The following ORC5 variants were observed in gnomAD, a reference collection of about 807,000 sequenced individuals.
ORC5 encodes origin recognition complex subunit 5.
A neutral mutation model predicts 58.8 loss-of-function variants in ORC5; 39 were observed. The ratio of observed to expected loss-of-function variants is 0.66; its 90% confidence interval spans 0.51 to 0.87. The LOEUF (loss-of-function observed/expected upper bound fraction) is 0.87. ORC5 is among the 40% of genes least tolerant of loss of function. The pLI is 0.00. For missense variants in ORC5, 493 were observed against 506.3 expected, an observed-to-expected ratio of 0.97 and a Z score of 0.25; for synonymous variants, 218 against 177.6, an observed-to-expected ratio of 1.23 and a Z score of -1.81.
At chr7:104,128,619 A>C in intron 13 of ORC5, among the ~76,000 whole-genome samples, 1 of 150,554 alleles carries the variant, frequency 6.6e-6, no homozygotes, top group Non-Finnish European at 1.5e-5. Flanking sequence ...GGTGTGCTGC[A>C]CCCATTAACT....
At chr7:104,200,715 G>T in intron 3 of ORC5, 43 bp downstream of exon 3, 2 of 1,202,904 alleles carry the variant, frequency 1.7e-6, no homozygotes, top group Non-Finnish European at 2.4e-6. Context: ...TAAATTATCA[G>T]TTTTCAAGAT....
intron 12 of ORC5, among the ~76,000 whole-genome samples, chr7:104,148,324 A>G (rs1013782969): frequency 1.3e-5 from 2 of 152,226 alleles, no homozygotes; most frequent in African/African-American, 4.8e-5. Context: ...TATAGAATAC[A>G]AAGAGATAAT....
chr7:104,166,730 G>T, intron 10 of ORC5, 42 bp downstream of exon 10: 1 of 1,078,080 alleles, frequency 9.3e-7, no homozygotes, highest in South Asian at 1.4e-5. Flanking sequence ...AATATTCCTG[G>T]GATCTTAAAA....
At chr7:104,151,112 T>C (rs923984314) in intron 12 of ORC5, among the ~76,000 whole-genome samples, 4 of 152,114 alleles carry the variant, frequency 2.6e-5, no homozygotes, top group Non-Finnish European at 5.9e-5. Flanking sequence ...ATATGGTGAA[T>C]GAAGGAAGTG....
intron 12 of ORC5, among the ~76,000 whole-genome samples, chr7:104,145,200 C>T (rs1798736400): frequency 6.6e-6 from 1 of 152,100 alleles, no homozygotes; most frequent in Non-Finnish European, 1.5e-5. Context: ...GGAAGATACA[C>T]AGAAAAGAGT....
chr7:104,195,077 A>T, intron 5 of ORC5, 66 bp downstream of exon 5: 1 of 777,656 alleles, frequency 1.3e-6, no homozygotes, highest in Non-Finnish European at 2.1e-6. Context: ...ATGCTAGTTT[A>T]ATCTTTCAAA....
chr7:104,207,983 G>A lies in ORC5; in HGVS notation c.-79C>T, dbSNP rs1487192508. 2.2e-5 allele frequency: 30 copies of A among 1,370,930 alleles called. 1 individual carries two copies. The highest frequency in any genetic ancestry group is 2.8e-5 in the Non-Finnish European group (27 of 968,824). The allele number at this position is 1,370,930 out of a possible 1,614,324, so 84.9% of individuals were successfully genotyped here. On this transcript the variant is annotated 5_prime_UTR_variant, in exon 1 of 14. Coordinates refer to ENST00000297431, the MANE Select transcript of ORC5 (RefSeq NM_002553.4). ...CAAGACGGAGCCTCTCCCGAGTCTGGCGGCCCACGCTCCCGCCGGAAACCG... is the reference window on the plus strand; with the variant it reads ...CAAGACGGAGCCTCTCCCGAGTCTGACGGCCCACGCTCCCGCCGGAAACCG...
At chr7:104,188,008 A>C (rs927191281) in intron 6 of ORC5, 4 of 1,095,676 alleles carry the variant, frequency 3.7e-6, no homozygotes, top group Non-Finnish European at 4.5e-6. Flanking sequence ...AGAAGATCTG[A>C]GAATGACATT....
intron 8 of ORC5, among the ~76,000 whole-genome samples, chr7:104,170,663 T>C (rs539577789): frequency 4.6e-5 from 7 of 152,366 alleles, no homozygotes; most frequent in African/African-American, 1.4e-4. Flanking sequence ...ACTAAATTTC[T>C]GATAATTTGT....
At chr7:104,177,768 C>T (rs766968144) in intron 8 of ORC5, among the ~76,000 whole-genome samples, 2 of 152,184 alleles carry the variant, frequency 1.3e-5, no homozygotes, top group East Asian at 3.9e-4. Flanking sequence ...TGTTCCCCTC[C>T]GTGTCCATGT....
chr7:104,168,359 A>G (rs770471509), intron 9 of ORC5, 114 bp downstream of exon 9: 1 of 1,456,406 alleles, frequency 6.9e-7, no homozygotes, highest in Admixed American at 2.4e-5. Flanking sequence ...TGAAAAGTAA[A>G]TTCTCTTTTA....
intron 8 of ORC5, among the ~76,000 whole-genome samples, chr7:104,178,040 T>G (rs1380459995): frequency 6.6e-6 from 1 of 152,190 alleles, no homozygotes; most frequent in East Asian, 1.9e-4. Context: ...TAGGTGTGCA[T>G]TTGTCTTTAT....
At chr7:104,171,566 T>C (rs533541764) in intron 8 of ORC5, among the ~76,000 whole-genome samples, 90 of 152,312 alleles carry the variant, frequency 5.9e-4, no homozygotes, top group African/African-American at 2.1e-3. Context: ...CTTTCCATTC[T>C]TTTCCTTCAT....
chr7:104,149,759 A>G (rs1477189905), intron 12 of ORC5, among the ~76,000 whole-genome samples: 1 of 152,184 alleles, frequency 6.6e-6, no homozygotes, highest in Non-Finnish European at 1.5e-5. Context: ...ACTGCTTAAC[A>G]TATTTTATTT....
chr7:104,169,459 G>A (rs1799170846), intron 8 of ORC5, among the ~76,000 whole-genome samples: 1 of 152,066 alleles, frequency 6.6e-6, no homozygotes, highest in African/African-American at 2.4e-5. Context: ...AATGAGTAAA[G>A]AATGCCCTAC....
At chr7:104,167,509 T>C (rs902821255) in intron 9 of ORC5, among the ~76,000 whole-genome samples, 1 of 152,168 alleles carries the variant, frequency 6.6e-6, no homozygotes, top group African/African-American at 2.4e-5. Flanking sequence ...AACAATACTA[T>C]TTGTTGAAGG....
chr7:104,181,675 C>T (rs945596118), intron 8 of ORC5, among the ~76,000 whole-genome samples: 3 of 151,742 alleles, frequency 2.0e-5, no homozygotes, highest in African/African-American at 7.3e-5. Flanking sequence ...ACCTGTAGTC[C>T]TAGCTACTCG....
At chr7:104,128,610 G>C (rs1410788769) in intron 13 of ORC5, among the ~76,000 whole-genome samples, 1 of 150,796 alleles carries the variant, frequency 6.6e-6, no homozygotes, top group Non-Finnish European at 1.5e-5. Context: ...TGCCATGCTG[G>C]TGTGCTGCAC....
Position 104,184,199 on chromosome 7 carries a change from A to G in ORC5, c.685-28T>C, listed in dbSNP as rs1799494606. Reference sequence around the variant, plus strand: ...GTAAGTAAAGAAAAAAAAAGAGAAGAAAAAAAGCACTGATCGATCACAATT... The same window carrying G: ...GTAAGTAAAGAAAAAAAAAGAGAAGGAAAAAAGCACTGATCGATCACAATT... On this transcript the variant is annotated intron_variant, in intron 6 of 13. Transcript: ENST00000297431. 4.4e-6 allele frequency: 6 copies of G among 1,365,606 alleles called. No homozygotes were observed. The African/African-American group carries it at 5.9e-5, about 13-fold the overall frequency. The allele number at this position is 1,365,606 out of a possible 1,614,324, so 84.6% of individuals were successfully genotyped here. A position where few individuals can be genotyped will look rare whatever the true frequency, so the allele number is the denominator to read the frequency against.
Sources: gnomAD v4.1 joint callset for allele counts (sites outside exome capture counted in the v4.1 genomes callset) on GRCh38, gnomAD v4.1.1 for gene constraint, MANE v1.5 for transcripts, NCBI Gene and HGNC (gene_info 2026-07-23, HGNC 2026-07-21) for gene names.